Variants in CPNE1 observed in about 807,000 individuals in gnomAD.
The protein encoded by CPNE1 is copine-1.
CPNE1 carries 58 observed loss-of-function variants against 63.2 expected under a neutral mutation model. That is an observed-to-expected ratio of 0.92 (90% CI 0.74 to 1.14). The LOEUF is 1.14. Among genes scored for constraint, CPNE1 ranks in the 50% most tolerant of loss-of-function variants. The probability of loss-of-function intolerance (pLI) is 0.00; values close to 1 mark genes in which losing one functional copy is unlikely to be tolerated. For missense variants in CPNE1, 672 were observed against 661.7 expected, an observed-to-expected ratio of 1.02 and a Z score of -0.17; for synonymous variants, 237 against 249.0, an observed-to-expected ratio of 0.95 and a Z score of 0.45.
chr20:35,652,310 TTC>T lies in CPNE1; in HGVS notation c.-1+12448_-1+12449del, dbSNP rs758956748. 15 of 527,440 alleles carry T rather than the reference TTC, an allele frequency of 2.8e-5. No homozygotes were observed. In the East Asian group the frequency reaches 4.8e-4, roughly 17 times the overall value. The allele number at this position is 527,440 out of a possible 1,614,324, so 32.7% of individuals were successfully genotyped here. A position where few individuals can be genotyped will look rare whatever the true frequency, so the allele number is the denominator to read the frequency against. On this transcript the variant is annotated intron_variant, in intron 1 of 15. Coordinates refer to ENST00000397443, the MANE Select transcript of CPNE1 (RefSeq NM_152925.3). ...ATGGTATGCCAAAATCATTTATGTG[TTC>T]TCTCCAGATAGCTTTACTGTAACAT...
At chr20:35,653,234 T>A in intron 1 of CPNE1, 1 of 1,613,570 alleles carries the variant, frequency 6.2e-7, no homozygotes, top group Non-Finnish European at 8.5e-7. Context: ...GCACTAGGTA[T>A]TCCTGCACTG....
chr20:35,637,951 T>C (rs1019500039), intron 1 of CPNE1, among the ~76,000 whole-genome samples: 12 of 152,202 alleles, frequency 7.9e-5, no homozygotes, highest in Admixed American at 7.9e-4. Context: ...AAATAAGCTA[T>C]ACTAGAGTAG....
In CPNE1 at chr20:35,658,840, A is replaced by C. The variant is rs1030909349; in HGVS notation, c.-1+5920T>G. On this transcript the variant is annotated intron_variant, in intron 1 of 15. Coordinates refer to ENST00000397443, the MANE Select transcript of CPNE1 (RefSeq NM_152925.3). ...ACACACACACACACACACACACACA[A>C]TATAGTTGCTACATATATTTTCATA... 3.2e-5 allele frequency: 21 copies of C among 649,424 alleles called. 1 individual carries two copies. Among genetic ancestry groups the C allele is most frequent in the African/African-American group, 1.8e-4 (9 of 51,192 alleles). The allele number at this position is 649,424 out of a possible 1,614,324, so 40.2% of individuals were successfully genotyped here. A position where few individuals can be genotyped will look rare whatever the true frequency, so the allele number is the denominator to read the frequency against.
chr20:35,652,937 G>A (rs1213807835), intron 1 of CPNE1: 1 of 1,613,770 alleles, frequency 6.2e-7, no homozygotes, highest in Non-Finnish European at 8.5e-7. Flanking sequence ...AAGCTACCAG[G>A]GCCATTTCCA....
chr20:35,648,738 C>T (rs2033301767), intron 1 of CPNE1, among the ~76,000 whole-genome samples: 1 of 152,196 alleles, frequency 6.6e-6, no homozygotes, highest in Admixed American at 6.5e-5. Context: ...CAAGTTTCCT[C>T]CCTGCTGTTC....
chr20:35,634,736 AGTTT>A lies in CPNE1; in HGVS notation c.1-1817_1-1814del, dbSNP rs777188718. On this transcript the variant is annotated intron_variant, in intron 1 of 15. Transcript: ENST00000397443. ...ACTTTGTCACTCCTCAAATAAGCCA[AGTTT>A]GTTTGTTCCTTCTTTCGTGAGACAG... 8.6e-5 allele frequency among the ~76,000 whole-genome samples: 13 copies of A among 152,028 alleles called. No homozygotes were observed. In the South Asian group the frequency reaches 2.7e-3, roughly 32 times the overall value.
intron 1 of CPNE1, among the ~76,000 whole-genome samples, chr20:35,663,509 T>C (rs1267061651): frequency 2.0e-5 from 3 of 152,216 alleles, no homozygotes; most frequent in Non-Finnish European, 2.9e-5. Context: ...CAGTGGGTTA[T>C]ACTGACTCTA....
Position 35,631,370 on chromosome 20 carries a change from A to G in CPNE1, c.715-16T>C. On this transcript the variant is annotated splice_polypyrimidine_tract_variant and intron_variant, in intron 8 of 15. Coordinates refer to ENST00000397443, the MANE Select transcript of CPNE1 (RefSeq NM_152925.3). ...CAAACTCAGCCTGGTGAGGACAGAAAAATTAGGGTAGGAAATTCTCAGAGC... is the reference window on the plus strand; with the variant it reads ...CAAACTCAGCCTGGTGAGGACAGAAGAATTAGGGTAGGAAATTCTCAGAGC... The G allele has an allele frequency of 6.2e-7, 1 of 1,613,544 alleles. No individual in the cohort carries two copies.
intron 1 of CPNE1, among the ~76,000 whole-genome samples, chr20:35,646,311 C>T (rs2033096839): frequency 6.7e-6 from 1 of 148,642 alleles, no homozygotes; most frequent in South Asian, 2.1e-4. Flanking sequence ...CTCTTAAATC[C>T]TTCCCACTGT....
At chr20:35,649,695 T>C (rs1191243293) in intron 1 of CPNE1, 1 of 152,584 alleles carries the variant, frequency 6.6e-6, no homozygotes, top group Non-Finnish European at 1.5e-5. Flanking sequence ...ACAAATTTGC[T>C]TATTTATGAC....
intron 5 of CPNE1, 25 bp downstream of exon 5, chr20:35,632,138 T>C (rs117034885): frequency 0.016 from 25,939 of 1,612,334 alleles, 388 homozygotes; most frequent in South Asian, 0.053. Flanking sequence ...ACTCTTGGAT[T>C]ACCAGGGCCT....
intron 1 of CPNE1, chr20:35,650,357 C>T (rs917575601): frequency 1.3e-5 from 2 of 152,200 alleles, no homozygotes; most frequent in Non-Finnish European, 2.9e-5. Context: ...TAAGAATGTA[C>T]GAACATATAA....
chr20:35,631,568 G>C lies in CPNE1; in HGVS notation c.638C>G (p.Ser213Cys). Reference sequence around the variant, plus strand: ...ATGTGACCCGTCACTGTCATAATCGGAGCATTGCACCTGAGGGAAAGGTGT... The same window carrying C: ...ATGTGACCCGTCACTGTCATAATCGCAGCATTGCACCTGAGGGAAAGGTGT... ...NPSTPIQVQC[S>C]DYDSDGSHDL... is the part of the protein sequence containing the mutation. The change falls in exon 8 of 16, where the codon TCC becomes TGC. Residue 213 changes from serine to cysteine, a missense_variant. By Grantham distance (112) the Ser-to-Cys change is moderately radical. Coordinates refer to ENST00000397443, the MANE Select transcript of CPNE1 (RefSeq NM_152925.3). 6.2e-7 allele frequency: 1 copy of C among 1,613,988 alleles called. No homozygotes were observed. Among genetic ancestry groups the C allele is most frequent in the Non-Finnish European group, 8.5e-7 (1 of 1,179,938 alleles).
intron 1 of CPNE1, among the ~76,000 whole-genome samples, chr20:35,661,267 A>C (rs2034216956): frequency 6.6e-6 from 1 of 152,208 alleles, no homozygotes; most frequent in African/African-American, 2.4e-5. Context: ...TAAAAACCAC[A>C]AGAATTTAAC....
In CPNE1 at chr20:35,653,283, T is replaced by C. The variant is rs141348619; in HGVS notation, c.-1+11477A>G. Reference sequence around the variant, plus strand: ...CAGGCAGTCCTGCACTGGTTATTGCTGAACCAGGCAGTCCTGTGCTGGGCA... The same window carrying C: ...CAGGCAGTCCTGCACTGGTTATTGCCGAACCAGGCAGTCCTGTGCTGGGCA... On this transcript the variant is annotated intron_variant, in intron 1 of 15. Coordinates refer to ENST00000397443, the MANE Select transcript of CPNE1 (RefSeq NM_152925.3). 20 of 1,613,550 alleles carry C rather than the reference T, an allele frequency of 1.2e-5. No individual in the cohort carries two copies. The African/African-American group carries it at 2.1e-4, about 17-fold the overall frequency.
chr20:35,628,282 C>T (rs1433887152), intron 13 of CPNE1, among the ~76,000 whole-genome samples: 2 of 148,892 alleles, frequency 1.3e-5, no homozygotes, highest in Admixed American at 6.7e-5. Flanking sequence ...AAGACTCCAT[C>T]TCAAAAAATA....
intron 14 of CPNE1, 28 bp from the exon 15 acceptor site, chr20:35,626,831 A>G (rs2031779494): frequency 6.4e-7 from 1 of 1,572,290 alleles, no homozygotes; most frequent in South Asian, 1.1e-5. Context: ...CATGTCCTGA[A>G]GCAGATCCTC....
chr20:35,626,691 A>G lies in CPNE1; in HGVS notation c.1349T>C (p.Val450Ala). The change falls in exon 15 of 16, where the codon GTG (valine) becomes GCG (alanine). Residue 450 changes from valine (V) to alanine (A), a missense_variant. Physicochemically the swap from Val to Ala is moderately conservative, Grantham distance 64. Coordinates refer to ENST00000397443, the MANE Select transcript of CPNE1 (RefSeq NM_152925.3). The stretch of plus-strand genomic sequence containing the variant: ...CATGGCCTCAAAGTCAGCACCACCC[A>G]CACCCACAATGATCACTGACATGGG... ...NLPMSVIIVGVGGADFEAMEQ... is the reference protein window; with the variant it reads ...NLPMSVIIVGAGGADFEAMEQ... 6.2e-7 allele frequency: 1 copy of G among 1,614,124 alleles called. No homozygotes were observed. The highest frequency in any genetic ancestry group is 1.3e-5 in the African/African-American group (1 of 75,028).
chr20:35,647,497 G>A (rs1307536602), intron 1 of CPNE1: 1 of 151,876 alleles, frequency 6.6e-6, no homozygotes, highest in Non-Finnish European at 1.5e-5. Context: ...ATTTGGTTGT[G>A]ATTTTTCCCA....
Sources: allele counts gnomAD v4.1 joint callset (sites outside exome capture counted in the v4.1 genomes callset), GRCh38; gene constraint gnomAD v4.1.1; transcripts MANE v1.5; gene names NCBI Gene and HGNC (gene_info 2026-07-23, HGNC 2026-07-21).